THSD4: variants seen among roughly 807,000 people sequenced by gnomAD.
THSD4 encodes thrombospondin type 1 domain containing 4.
Under a neutral mutation model 119.0 loss-of-function variants are expected in THSD4, and 69 were observed. That is an observed-to-expected ratio of 0.58 (90% CI 0.48 to 0.71). THSD4 has a LOEUF of 0.71. THSD4 is among the 30% of genes least tolerant of loss of function. The probability of loss-of-function intolerance (pLI) is 0.00; values close to 1 mark genes in which losing one functional copy is unlikely to be tolerated. For synonymous variants in THSD4, 524 were observed against 540.4 expected, an observed-to-expected ratio of 0.97 and a Z score of 0.42; for missense variants, 1,393 against 1,391.1, an observed-to-expected ratio of 1.00 and a Z score of -0.02.
chr15:71,241,357 G>A (rs1046841201), intron 4 of THSD4, among the ~76,000 whole-genome samples: 1 of 152,194 alleles, frequency 6.6e-6, no homozygotes, highest in African/African-American at 2.4e-5. Flanking sequence ...CAGTGAAGGC[G>A]AAACCTTTTC....
intron 7 of THSD4, among the ~76,000 whole-genome samples, chr15:71,624,196 A>C (rs2050468837): frequency 6.6e-6 from 1 of 152,318 alleles, no homozygotes; most frequent in East Asian, 1.9e-4. Context: ...GCAATGGGAC[A>C]GGGCCTTTAT....
intron 3 of THSD4, among the ~76,000 whole-genome samples, chr15:71,204,280 C>G (rs1437291632): frequency 6.6e-6 from 1 of 152,146 alleles, no homozygotes; most frequent in Non-Finnish European, 1.5e-5. Context: ...TCCGATTATG[C>G]AGATCACATC....
At chr15:71,680,075 A>T (rs2051742960) in intron 8 of THSD4, among the ~76,000 whole-genome samples, 1 of 152,216 alleles carries the variant, frequency 6.6e-6, no homozygotes. Context: ...GATGATCTGG[A>T]GCAAATCAGA....
intron 6 of THSD4, among the ~76,000 whole-genome samples, chr15:71,403,300 T>C (rs1465979174): frequency 6.6e-6 from 1 of 152,214 alleles, no homozygotes; most frequent in African/African-American, 2.4e-5. Context: ...ATGCTTTATT[T>C]TCTCCTAAGG....
chr15:71,304,127 A>G lies in THSD4; in HGVS notation c.1015+47412A>G, dbSNP rs142290748. 6.8e-4 allele frequency among the ~76,000 whole-genome samples: 104 copies of G among 152,238 alleles called. 1 individual carries two copies. In the East Asian group the frequency reaches 0.02, roughly 29 times the overall value. On this transcript the variant is annotated intron_variant, in intron 6 of 17. Coordinates refer to ENST00000261862, the MANE Select transcript of THSD4 (RefSeq NM_024817.3). ...TGTTGGACATCTCATCCCAGATACC[A>G]CCAGGAGGTGAGCTTGCTCTGGGAG...
At chr15:71,184,160 G>C (rs999021430) in intron 3 of THSD4, 1 of 151,794 alleles carries the variant, frequency 6.6e-6, no homozygotes, top group Non-Finnish European at 1.5e-5. Flanking sequence ...GGTTTCTGTA[G>C]TAGGAGGGGC....
intron 6 of THSD4, among the ~76,000 whole-genome samples, chr15:71,279,278 G>A (rs2044625322): frequency 6.6e-6 from 1 of 150,804 alleles, no homozygotes; most frequent in Admixed American, 6.6e-5. Context: ...AGCTCATAGT[G>A]TAATAGCTTT....
chr15:71,379,163 G>T (rs2046192164), intron 6 of THSD4, among the ~76,000 whole-genome samples: 1 of 150,740 alleles, frequency 6.6e-6, no homozygotes, highest in African/African-American at 2.4e-5. Context: ...TAGCACTGGT[G>T]TGTGTGGGTG....
intron 7 of THSD4, among the ~76,000 whole-genome samples, chr15:71,520,659 T>C (rs947505242): frequency 1.3e-5 from 2 of 152,246 alleles, no homozygotes; most frequent in East Asian, 3.8e-4. Context: ...TCAGGTTCTA[T>C]GCTGAGCACT....
At chr15:71,146,264 T>C (rs1046807149) in intron 2 of THSD4, among the ~76,000 whole-genome samples, 2 of 152,210 alleles carry the variant, frequency 1.3e-5, no homozygotes, top group Admixed American at 6.5e-5. Flanking sequence ...CCCGATTGTC[T>C]TTCTTGCACA....
chr15:71,722,823 A>C (rs1303137748), intron 8 of THSD4, among the ~76,000 whole-genome samples: 1 of 152,186 alleles, frequency 6.6e-6, no homozygotes, highest in Non-Finnish European at 1.5e-5. Flanking sequence ...TTTTGTGACT[A>C]TCCTTCTCTA....
At chr15:71,173,091 C>T (rs768200415) in intron 3 of THSD4, among the ~76,000 whole-genome samples, 4 of 151,920 alleles carry the variant, frequency 2.6e-5, no homozygotes, top group Admixed American at 6.6e-5. Flanking sequence ...TACTTTTTCT[C>T]TTCACAGATG....
chr15:71,120,361 C>T (rs559777029), intron 1 of THSD4, among the ~76,000 whole-genome samples: 75 of 152,318 alleles, frequency 4.9e-4, no homozygotes, highest in African/African-American at 1.4e-3. Context: ...CTGTCTACCC[C>T]GTCACCCAGC....
intron 2 of THSD4, among the ~76,000 whole-genome samples, chr15:71,152,133 A>G (rs74511121): frequency 0.022 from 3,316 of 152,250 alleles, 62 homozygotes; most frequent in South Asian, 0.052. Flanking sequence ...TATTAAAAGG[A>G]AAGTCTAGGC....
At chr15:71,644,423 A>G (rs2050927428) in intron 7 of THSD4, among the ~76,000 whole-genome samples, 1 of 152,114 alleles carries the variant, frequency 6.6e-6, no homozygotes, top group Admixed American at 6.6e-5. Flanking sequence ...TTTTATTCCT[A>G]TCCACTTCAG....
At chr15:71,313,021 TG>T (rs1338509976) in intron 6 of THSD4, among the ~76,000 whole-genome samples, 1 of 152,204 alleles carries the variant, frequency 6.6e-6, no homozygotes, top group Non-Finnish European at 1.5e-5. Flanking sequence ...GAACAGTGCC[TG>T]GCATATAACG....
chr15:71,246,886 CTTTTTTT>C (rs67700872), intron 5 of THSD4, among the ~76,000 whole-genome samples: 5 of 114,512 alleles, frequency 4.4e-5, no homozygotes, highest in African/African-American at 1.7e-4. Flanking sequence ...GGTCCAAAGT[CTTTTTTT>C]TTTTTTTTTT....
At chr15:71,470,668 G>A (rs1307919682) in intron 7 of THSD4, among the ~76,000 whole-genome samples, 2 of 150,218 alleles carry the variant, frequency 1.3e-5, no homozygotes, top group South Asian at 2.1e-4. Flanking sequence ...TCGCTCTGTC[G>A]CCCAGGCCAG....
At chr15:71,192,644 C>G (rs1000680310) in intron 3 of THSD4, among the ~76,000 whole-genome samples, 1 of 152,194 alleles carries the variant, frequency 6.6e-6, no homozygotes. Context: ...CAGCATTATT[C>G]TCCTAGACGG....
Sources: allele counts gnomAD v4.1 joint callset (sites outside exome capture counted in the v4.1 genomes callset), GRCh38; gene constraint gnomAD v4.1.1; transcripts MANE v1.5; gene names NCBI Gene and HGNC (gene_info 2026-07-23, HGNC 2026-07-21).